Variants in EYS observed in about 807,000 individuals in gnomAD.
EYS encodes protein eyes shut homolog.
In EYS, 250 loss-of-function variants were observed where a neutral mutation model predicts 282.1. The ratio of observed to expected loss-of-function variants is 0.89; its 90% CI spans 0.80 to 0.98. The LOEUF is 0.98. EYS is among the 50% of genes least tolerant of loss of function. The probability of loss-of-function intolerance (pLI) is 0.00; values close to 1 mark genes in which losing one functional copy is unlikely to be tolerated. For missense variants in EYS, 4,016 were observed against 3,709.0 expected (o/e 1.08, Z -2.15); for synonymous variants, 1,355 against 1,282.9 (o/e 1.06, Z -1.20).
At chr6:64,505,306 G>A (rs572757716) in intron 26 of EYS, among the ~76,000 whole-genome samples, 2 of 152,084 alleles carry the variant, frequency 1.3e-5, no homozygotes, top group African/African-American at 4.8e-5. Context: ...TTTATTTTCT[G>A]TTTCCATTAT....
rs1402089382 is a variant in EYS, at chr6:65,490,666, C to A, written c.790G>T (p.Val264Phe). ...TTGCTGCAGTTTCCATGGAAACAGA[C>A]ATGTGGTTGACACTGGCCAATTATT... ...SEIIGQCQPH[V>F]CFHGNCSNIT... Residue 264 changes from valine to phenylalanine, a missense_variant, in exon 5 of 43, where the codon GTC becomes TTC. Transcript: ENST00000503581. The A allele has an allele frequency of 6.2e-7, 1 of 1,612,810 alleles. No individual in the cohort carries two copies.
chr6:63,984,268 T>G (rs939116034), intron 35 of EYS, 115 bp downstream of exon 35: 3 of 718,728 alleles, frequency 4.2e-6, no homozygotes, highest in Non-Finnish European at 7.1e-6. Flanking sequence ...TAGAAAAACT[T>G]GAGAATTCTG....
rs142951893 is a variant in EYS, at chr6:65,104,295, T to A, written c.2024-46568A>T. On this transcript the variant is annotated intron_variant, in intron 12 of 42. Coordinates refer to ENST00000503581, the MANE Select transcript of EYS (RefSeq NM_001142800.2). ...GATTATTTTACAAAATGTCTTATAA[T>A]GTGTCCTTCAATGTTTAGAATGTTG... 7.1e-3 allele frequency among the ~76,000 whole-genome samples: 1,083 copies of A among 151,624 alleles called. 16 individuals are homozygous for A. The highest frequency in any genetic ancestry group is 0.025 in the African/African-American group (1,025 of 41,498).
intron 15 of EYS, among the ~76,000 whole-genome samples, chr6:64,939,302 A>G (rs1769012601): frequency 6.6e-6 from 1 of 151,872 alleles, no homozygotes; most frequent in Non-Finnish European, 1.5e-5. Flanking sequence ...AAATAAATAA[A>G]GCAAATAATA....
At chr6:65,582,014 C>T (rs1764888582) in intron 2 of EYS, among the ~76,000 whole-genome samples, 1 of 151,318 alleles carries the variant, frequency 6.6e-6, no homozygotes, top group African/African-American at 2.4e-5. Flanking sequence ...ATGGTGAAAA[C>T]CTGTTTCTAC....
intron 21 of EYS, 45 bp from the exon 22 acceptor site, chr6:64,813,622 T>A (rs368781069): frequency 2.6e-6 from 3 of 1,165,208 alleles, no homozygotes; most frequent in Admixed American, 6.6e-5. Flanking sequence ...TAGTATAAGG[T>A]TGACCATTTT....
intron 14 of EYS, among the ~76,000 whole-genome samples, chr6:64,964,080 C>T (rs1413893393): frequency 6.6e-6 from 1 of 151,818 alleles, no homozygotes; most frequent in Non-Finnish European, 1.5e-5. Flanking sequence ...CAAATTTTAC[C>T]TTTTATGATT....
chr6:65,136,664 CA>C (rs11333692), intron 12 of EYS, among the ~76,000 whole-genome samples: 58,039 of 151,778 alleles, frequency 0.38, 12,449 homozygotes, highest in African/African-American at 0.58. Context: ...TGTTACTAGA[CA>C]AAAAAATATC....
chr6:65,113,004 C>T (rs1775257427), intron 12 of EYS, among the ~76,000 whole-genome samples: 1 of 152,006 alleles, frequency 6.6e-6, no homozygotes, highest in African/African-American at 2.4e-5. Context: ...ATTGCGATAG[C>T]ATGCAGTATT....
At chr6:64,302,911 C>T (rs6920420) in intron 30 of EYS, among the ~76,000 whole-genome samples, 4,732 of 152,094 alleles carry the variant, frequency 0.031, 234 homozygotes, top group African/African-American at 0.11. Flanking sequence ...TTTTCACACC[C>T]CCTCAGGTCC....
intron 35 of EYS, among the ~76,000 whole-genome samples, chr6:63,931,831 A>G (rs1024782760): frequency 2.0e-4 from 30 of 152,202 alleles, no homozygotes; most frequent in African/African-American, 6.8e-4. Context: ...ATTATCATTA[A>G]CCACATTTAC....
At chr6:65,331,029 T>C in intron 11 of EYS, 5 of 984,402 alleles carry the variant, frequency 5.1e-6, no homozygotes, top group Non-Finnish European at 6.0e-6. Flanking sequence ...TTATTATTTT[T>C]TTTCCTTTAA....
chr6:65,329,136 T>C (rs1769705604), intron 11 of EYS: 1 of 159,232 alleles, frequency 6.3e-6, no homozygotes, highest in Admixed American at 6.6e-5. Context: ...AATTGAAGTA[T>C]GAAAAGTCAT....
At chr6:64,461,977 G>C (rs912452853) in intron 26 of EYS, among the ~76,000 whole-genome samples, 2 of 152,032 alleles carry the variant, frequency 1.3e-5, no homozygotes, top group Non-Finnish European at 2.9e-5. Context: ...TTCCCTTCTA[G>C]AAACTTACAG....
chr6:65,109,049 A>C (rs6455025), intron 12 of EYS, among the ~76,000 whole-genome samples: 68,738 of 151,714 alleles, frequency 0.45, 16,158 homozygotes, highest in African/African-American at 0.53. Flanking sequence ...CTTTCTCCTT[A>C]TCTCGCTGAG....
rs138737215 is a variant in EYS at position 64,991,348 on chromosome 6, C to T, written c.2259+6234G>A. Among the ~76,000 whole-genome samples the T allele has an allele frequency of 1.6e-4, 24 of 151,590 alleles. No individual in the cohort carries two copies. The East Asian group carries it at 4.3e-3, about 27-fold the overall frequency. On this transcript the variant is annotated intron_variant, in intron 14 of 42. Coordinates refer to ENST00000503581, the MANE Select transcript of EYS (RefSeq NM_001142800.2). The stretch of plus-strand genomic sequence containing the variant: ...TTTGTGTTACCTAGTCACTGCAGTG[C>T]CTCTTTTAACAATAGGTTTTGAAGT...
intron 31 of EYS, among the ~76,000 whole-genome samples, chr6:64,142,472 C>G (rs548423918): frequency 6.6e-6 from 1 of 152,112 alleles, no homozygotes; most frequent in South Asian, 2.1e-4. Context: ...GAGAAATAAG[C>G]AATGCAGTGC....
intron 26 of EYS, among the ~76,000 whole-genome samples, chr6:64,503,519 T>C (rs1777118843): frequency 6.6e-6 from 1 of 152,066 alleles, no homozygotes; most frequent in South Asian, 2.1e-4. Flanking sequence ...TCAGGAAGGG[T>C]TTCATGGGTT....
chr6:64,101,019 A>C, intron 31 of EYS, among the ~76,000 whole-genome samples: 1 of 151,986 alleles, frequency 6.6e-6, no homozygotes, highest in East Asian at 1.9e-4. Context: ...TTGAAATCCT[A>C]TATCTTAAGT....
Sources: gnomAD v4.1 joint callset for allele counts (sites outside exome capture counted in the v4.1 genomes callset) on GRCh38, gnomAD v4.1.1 for gene constraint, MANE v1.5 for transcripts, NCBI Gene and HGNC (gene_info 2026-07-23, HGNC 2026-07-21) for gene names.